The following UBE4B variants were observed in gnomAD, a reference collection of about 807,000 sequenced individuals.
The protein encoded by UBE4B is ubiquitin conjugation factor E4 B.
In UBE4B, 27 loss-of-function variants were observed where a neutral mutation model predicts 148.1. The observed-to-expected ratio is 0.18, with a 90% CI of 0.13 to 0.25. The LOEUF (loss-of-function observed/expected upper bound fraction) is 0.25. Among genes scored for constraint, UBE4B ranks in the 10% least tolerant of loss-of-function variants. The probability of loss-of-function intolerance (pLI) is 1.00; values close to 1 mark genes in which losing one functional copy is unlikely to be tolerated. For missense variants in UBE4B, 1,170 were observed against 1,662.4 expected, an observed-to-expected ratio of 0.70 and a Z score of 5.15; for synonymous variants, 596 against 619.3, an observed-to-expected ratio of 0.96 and a Z score of 0.56.
intron 1 of UBE4B, among the ~76,000 whole-genome samples, chr1:10,051,311 A>G (rs1644039521): frequency 2.0e-5 from 3 of 152,170 alleles, no homozygotes; most frequent in African/African-American, 7.2e-5. Context: ...AATTGGAGTG[A>G]TGTGAAGTGT....
intron 7 of UBE4B, among the ~76,000 whole-genome samples, chr1:10,116,238 G>A (rs190031543): frequency 1.3e-5 from 2 of 152,010 alleles, no homozygotes; most frequent in Non-Finnish European, 2.9e-5. Context: ...CTCCTCCCAC[G>A]GTCAAGTGAT....
At chr1:10,135,291 A>G in intron 16 of UBE4B, 105 bp downstream of exon 16, 1 of 1,159,212 alleles carries the variant, frequency 8.6e-7, no homozygotes, top group Non-Finnish European at 1.2e-6. Context: ...TGAACTTAAG[A>G]GATAGAGAAA....
At chr1:10,042,851 C>T (rs890198972) in intron 1 of UBE4B, among the ~76,000 whole-genome samples, 10 of 151,920 alleles carry the variant, frequency 6.6e-5, no homozygotes, top group Admixed American at 2.0e-4. Flanking sequence ...GGAGCTTGCT[C>T]GGGGAAGAAT....
intron 2 of UBE4B, among the ~76,000 whole-genome samples, chr1:10,095,001 A>G (rs1436419391): frequency 6.6e-6 from 1 of 151,342 alleles, no homozygotes; most frequent in Non-Finnish European, 1.5e-5. Context: ...CTAATCTTGA[A>G]CTCCAAACCT....
chr1:10,162,166 T>G (rs567621442), intron 23 of UBE4B, among the ~76,000 whole-genome samples: 2 of 151,960 alleles, frequency 1.3e-5, no homozygotes, highest in African/African-American at 4.8e-5. Context: ...ACCTGGCTAG[T>G]TTTTGTATTT....
chr1:10,179,568 G>C lies in UBE4B; in HGVS notation c.3847+6G>C. ...AGAGAGCATGCTGGAACCAGGTAGA[G>C]GAGGGTGCAGTTTGAGGTGCAGCGC... On this transcript the variant is annotated splice_donor_region_variant and intron_variant, in intron 27 of 27. Transcript: ENST00000343090. 1 of 1,612,350 alleles carries C rather than the reference G, an allele frequency of 6.2e-7. No homozygotes were observed. The highest frequency in any genetic ancestry group is 8.5e-7 in the Non-Finnish European group (1 of 1,180,014).
chr1:10,144,746 A>AAG (rs1553151502), intron 17 of UBE4B, among the ~76,000 whole-genome samples, 194 bp from the exon 18 acceptor site: 25 of 146,608 alleles, frequency 1.7e-4, no homozygotes, highest in Middle Eastern at 3.4e-3. Context: ...AAAAAAAAAA[A>AAG]AAAGAAAGAA....
chr1:10,119,369 G>A (rs1258194197), intron 8 of UBE4B, 144 bp from the exon 9 acceptor site: 7 of 706,302 alleles, frequency 9.9e-6, no homozygotes, highest in Non-Finnish European at 1.4e-5. Context: ...GGAAGGCACA[G>A]TTACTGTAGC....
chr1:10,117,501 T>G lies in UBE4B; in HGVS notation c.1239T>G (p.Ser413Arg). Residue 413 changes from serine to arginine, a missense_variant, in exon 8 of 28, where the codon AGT (serine) becomes AGG (arginine). This residue lies in a region of UBE4B where 388 missense variants were observed against 536.0 expected (regional missense o/e 0.72). Transcript: ENST00000343090. Reference protein sequence around the residue: ...SGGASNWDSYSDHFTIETCKE... With the variant: ...SGGASNWDSYRDHFTIETCKE... Reference sequence around the variant, plus strand: ...GAGCAAGTAATTGGGATTCCTACAGTGACCATTTCACCATTGAAACCTGCA... The same window carrying G: ...GAGCAAGTAATTGGGATTCCTACAGGGACCATTTCACCATTGAAACCTGCA... The G allele has an allele frequency of 6.2e-7, 1 of 1,612,676 alleles. No homozygotes were observed. The highest frequency in any genetic ancestry group is 8.5e-7 in the Non-Finnish European group (1 of 1,179,688).
intron 25 of UBE4B, among the ~76,000 whole-genome samples, chr1:10,174,564 T>C (rs867664741): frequency 6.7e-6 from 1 of 149,334 alleles, no homozygotes; most frequent in Middle Eastern, 3.6e-3. Flanking sequence ...TAGCCGGGCA[T>C]GGTGGTGTGC....
At chr1:10,066,796 C>G (rs1238231821) in intron 1 of UBE4B, among the ~76,000 whole-genome samples, 1 of 151,650 alleles carries the variant, frequency 6.6e-6, no homozygotes, top group African/African-American at 2.4e-5. Flanking sequence ...GTCCCAGCTA[C>G]TCGGGAGGCT....
Position 10,102,886 on chromosome 1 carries a change from A to G in UBE4B, c.436-62A>G, listed in dbSNP as rs939655924. ...AATTAAATCAGAATAACGTATTCCT[A>G]TTGAAACACCTAACTCATACCTCTT... is the stretch of plus-strand genomic sequence containing the variant. On this transcript the variant is annotated intron_variant, in intron 4 of 27. Coordinates refer to ENST00000343090, the MANE Select transcript of UBE4B (RefSeq NM_001105562.3). 10 of 1,509,764 alleles carry G rather than the reference A, an allele frequency of 6.6e-6. No individual in the cohort carries two copies. The Admixed American group carries it at 1.2e-4, about 18-fold the overall frequency. 93.5% of individuals were successfully genotyped at this position (1,509,764 alleles called of 1,614,324 possible). A position where few individuals can be genotyped will look rare whatever the true frequency, so the allele number is the denominator to read the frequency against.
At chr1:10,158,541 C>T (rs1646110186) in intron 22 of UBE4B, 59 bp downstream of exon 22, 1 of 1,590,616 alleles carries the variant, frequency 6.3e-7, no homozygotes, top group African/African-American at 1.3e-5. Flanking sequence ...GGTAGGATTG[C>T]AGCTTAAAAG....
intron 2 of UBE4B, among the ~76,000 whole-genome samples, chr1:10,090,757 T>C (rs1644834340): frequency 6.6e-6 from 1 of 151,702 alleles, no homozygotes; most frequent in Non-Finnish European, 1.5e-5. Flanking sequence ...GACAATTCTG[T>C]GCTCTTTTTA....
intron 20 of UBE4B, among the ~76,000 whole-genome samples, chr1:10,150,243 C>T (rs905371286): frequency 2.0e-5 from 3 of 152,008 alleles, no homozygotes; most frequent in African/African-American, 7.2e-5. Context: ...ATTGGTGACA[C>T]GTGATTTTGA....
intron 5 of UBE4B, among the ~76,000 whole-genome samples, 154 bp from the exon 6 acceptor site, chr1:10,105,362 T>A (rs1645088441): frequency 6.6e-6 from 1 of 152,184 alleles, no homozygotes; most frequent in Non-Finnish European, 1.5e-5. Context: ...AACACAAGGC[T>A]TTATTTAGGT....
intron 2 of UBE4B, among the ~76,000 whole-genome samples, chr1:10,079,956 CAG>C (rs1644649552): frequency 6.6e-6 from 1 of 152,128 alleles, no homozygotes; most frequent in Admixed American, 6.6e-5. Flanking sequence ...GGATAAGTCT[CAG>C]GGGCCTCCAG....
At chr1:10,175,554 G>A (rs759647809) in intron 25 of UBE4B, among the ~76,000 whole-genome samples, 1 of 152,040 alleles carries the variant, frequency 6.6e-6, no homozygotes, top group Non-Finnish European at 1.5e-5. Context: ...GGGAGGCTGA[G>A]GCAGGAGAAT....
intron 21 of UBE4B, 121 bp downstream of exon 21, chr1:10,151,682 T>C (rs1645978024): frequency 3.6e-6 from 3 of 825,374 alleles, no homozygotes; most frequent in Non-Finnish European, 5.8e-6. Context: ...GTGTATAGCC[T>C]ACTAACCTGT....
Sources: gnomAD v4.1 joint callset for allele counts (sites outside exome capture counted in the v4.1 genomes callset) on GRCh38, gnomAD v4.1.1 for gene constraint, gnomAD v4.1.1 regional missense constraint, MANE v1.5 for transcripts, NCBI Gene and HGNC (gene_info 2026-07-23, HGNC 2026-07-21) for gene names.